Variants in STPG4 observed in about 807,000 individuals in gnomAD.
STPG4 encodes the protein sperm-tail PG-rich repeat containing 4, also known as protein STPG4.
STPG4 carries 41 observed loss-of-function variants against 31.5 expected under a neutral mutation model. That is an observed-to-expected ratio of 1.30 (90% CI 1.01 to 1.69). The LOEUF (loss-of-function observed/expected upper bound fraction) is 1.69. STPG4 is among the 40% of genes most tolerant of loss of function. The probability of loss-of-function intolerance (pLI) is 0.00; values close to 1 mark genes in which losing one functional copy is unlikely to be tolerated. For missense variants in STPG4, 375 were observed against 293.4 expected, an observed-to-expected ratio of 1.28 and a Z score of -2.03; for synonymous variants, 141 against 103.0, an observed-to-expected ratio of 1.37 and a Z score of -2.24.
At chr2:47,089,711 G>A (rs1010999919) in intron 6 of STPG4, among the ~76,000 whole-genome samples, 11 of 151,788 alleles carry the variant, frequency 7.2e-5, no homozygotes, top group African/African-American at 1.4e-4. Context: ...AATCTTTCCT[G>A]GTCTTCTCTA....
At chr2:47,150,972 T>C (rs760884966) in intron 3 of STPG4, among the ~76,000 whole-genome samples, 23 of 152,024 alleles carry the variant, frequency 1.5e-4, no homozygotes, top group Non-Finnish European at 2.8e-4. Flanking sequence ...CAATGACAGA[T>C]AAGATCCCAG....
chr2:47,127,252 C>CTTTTTTTGTTTTTTTTTTTT (rs1686383334), intron 5 of STPG4, among the ~76,000 whole-genome samples: 1 of 57,456 alleles, frequency 1.7e-5, no homozygotes, highest in Non-Finnish European at 2.8e-5. Context: ...CAAGCTAATT[C>CTTTTTTTGTTTTTTTTTTTT]TTTTTTTTTT....
chr2:47,153,249 C>T (rs1020645269), intron 1 of STPG4, among the ~76,000 whole-genome samples: 1 of 152,122 alleles, frequency 6.6e-6, no homozygotes, highest in Non-Finnish European at 1.5e-5. Flanking sequence ...GAGTAATAAA[C>T]ACCCCCATCT....
At chr2:47,102,464 G>A (rs1245728440) in intron 5 of STPG4, among the ~76,000 whole-genome samples, 1 of 151,824 alleles carries the variant, frequency 6.6e-6, no homozygotes, top group African/African-American at 2.4e-5. Flanking sequence ...TCTGAGGGAA[G>A]TACAAATTAC....
At chr2:47,092,137 T>G (rs1364510182) in intron 5 of STPG4, among the ~76,000 whole-genome samples, 1 of 18,596 alleles carries the variant, frequency 5.4e-5, no homozygotes, top group African/African-American at 1.7e-4. Flanking sequence ...TTTTTTTGCT[T>G]ATATGCATTT....
intron 3 of STPG4, among the ~76,000 whole-genome samples, chr2:47,142,957 C>T (rs543662224): frequency 1.3e-5 from 2 of 148,244 alleles, no homozygotes; most frequent in African/African-American, 2.5e-5. Flanking sequence ...CCTGCCTTAG[C>T]CTCCCGAGTA....
At chr2:47,093,582 T>C (rs1685613444) in intron 5 of STPG4, among the ~76,000 whole-genome samples, 1 of 152,206 alleles carries the variant, frequency 6.6e-6, no homozygotes, top group Non-Finnish European at 1.5e-5. Flanking sequence ...CCTGCCCCTT[T>C]TCCCCAGGCC....
intron 5 of STPG4, among the ~76,000 whole-genome samples, chr2:47,113,966 A>C (rs1010529928): frequency 6.6e-6 from 1 of 151,176 alleles, no homozygotes; most frequent in African/African-American, 2.4e-5. Flanking sequence ...CCCAGGAGGC[A>C]GAGCTTGCAG....
At chr2:47,143,099 T>G (rs530090328) in intron 3 of STPG4, among the ~76,000 whole-genome samples, 23 of 152,292 alleles carry the variant, frequency 1.5e-4, no homozygotes, top group African/African-American at 5.3e-4. Context: ...CTGCTGGGAT[T>G]ACAGGCGTAA....
rs546136503 is a variant in STPG4, at chr2:47,126,053, G to A, written c.519+3888C>T. Among the ~76,000 whole-genome samples, 3 of 152,156 alleles carry A rather than the reference G, an allele frequency of 2.0e-5. No homozygotes were observed. In the South Asian group the frequency reaches 6.2e-4, roughly 32 times the overall value. On this transcript the variant is annotated intron_variant, in intron 5 of 6. Coordinates refer to ENST00000445927, the MANE Select transcript of STPG4 (RefSeq NM_001163561.2). ...CTGTAGATATATGGATTTATTTCTGGGTTATCTATTCTGTTCCATTGGTCT... is the reference window on the plus strand; with the variant it reads ...CTGTAGATATATGGATTTATTTCTGAGTTATCTATTCTGTTCCATTGGTCT...
chr2:47,095,800 CTG>C (rs1449827709), intron 5 of STPG4, among the ~76,000 whole-genome samples: 1 of 152,174 alleles, frequency 6.6e-6, no homozygotes, highest in Non-Finnish European at 1.5e-5. Context: ...CTAGGTGTGG[CTG>C]CAGGACTAAT....
intron 3 of STPG4, among the ~76,000 whole-genome samples, chr2:47,134,854 C>T (rs1337847902): frequency 6.6e-6 from 1 of 152,206 alleles, no homozygotes; most frequent in East Asian, 1.9e-4. Context: ...GCTCCACATC[C>T]TTGCCAGCTT....
chr2:47,133,570 C>CTTTTTTTTTTTTTT lies in STPG4; in HGVS notation c.400-3324_400-3311dup, dbSNP rs10682288. On this transcript the variant is annotated intron_variant, in intron 3 of 6. Coordinates refer to ENST00000445927, the MANE Select transcript of STPG4 (RefSeq NM_001163561.2). ...ATCCATGCTGATTAGGCACTCAAATCTTTTTTTTTTTTTTTTTTTTTTTTG... is the reference window on the plus strand; with the variant it reads ...ATCCATGCTGATTAGGCACTCAAATCTTTTTTTTTTTTTTTTTTTTTTTTTTTTTTTTTTTTTTG... 1.0e-3 allele frequency among the ~76,000 whole-genome samples: 68 copies of CTTTTTTTTTTTTTT among 67,152 alleles called. 16 individuals carry two copies. Among genetic ancestry groups the CTTTTTTTTTTTTTT allele is most frequent in the Admixed American group, 1.6e-3 (6 of 3,702 alleles). The allele number at this position is 67,152 out of a possible 152,430, so 44.1% of individuals were successfully genotyped here.
intron 5 of STPG4, among the ~76,000 whole-genome samples, chr2:47,115,048 A>C (rs535978155): frequency 1.3e-5 from 2 of 152,290 alleles, no homozygotes; most frequent in East Asian, 3.9e-4. Context: ...GATTACAAGC[A>C]TAAGCCACCA....
intron 5 of STPG4, among the ~76,000 whole-genome samples, chr2:47,095,092 T>C (rs1685643735): frequency 6.6e-6 from 1 of 152,222 alleles, no homozygotes. Flanking sequence ...TCAAATTCTA[T>C]ACCCCCCAAT....
Position 47,151,310 on chromosome 2 carries a change from G to C in STPG4, c.347C>G (p.Ser116Ter). Residue 116 changes from serine (S) to a stop codon, truncating the protein, a stop_gained, in exon 3 of 7, where the codon TCA becomes TGA. Transcript: ENST00000445927. LOFTEE classifies it high-confidence loss of function. The part of the protein sequence containing the change: ...DLLKKQVATY[S>*]FKDKPRPSPS... ...GCTTGGCCGTGGTTTGTCTTTGAATGAGTAAGTAGCCACTTGCTTCTTTAA... is the reference window on the plus strand; with the variant it reads ...GCTTGGCCGTGGTTTGTCTTTGAATCAGTAAGTAGCCACTTGCTTCTTTAA... 6.2e-7 allele frequency: 1 copy of C among 1,614,198 alleles called. No individual in the cohort carries two copies. The highest frequency in any genetic ancestry group is 8.5e-7 in the Non-Finnish European group (1 of 1,180,044).
chr2:47,090,265 CT>C lies in STPG4; in HGVS notation c.624+4del, dbSNP rs1468954281. ...GGGGGGCGATCTGTCTTTCCGAATA[CT>C]TACTGAACAGCTGGGCAAGAATCGA... On this transcript the variant is annotated splice_donor_region_variant and intron_variant, in intron 6 of 6. Coordinates refer to ENST00000445927, the MANE Select transcript of STPG4 (RefSeq NM_001163561.2). 6.5e-7 allele frequency: 1 copy of C among 1,546,888 alleles called. No individual in the cohort carries two copies. The highest frequency in any genetic ancestry group is 2.4e-5 in the East Asian group (1 of 40,902).
intron 6 of STPG4, among the ~76,000 whole-genome samples, chr2:47,088,878 T>C (rs1255388415): frequency 6.6e-6 from 1 of 152,168 alleles, no homozygotes; most frequent in African/African-American, 2.4e-5. Flanking sequence ...TCAAAGTGCA[T>C]GTGGAGTCCT....
intron 5 of STPG4, among the ~76,000 whole-genome samples, chr2:47,118,479 G>T (rs1686196400): frequency 6.6e-6 from 1 of 152,144 alleles, no homozygotes; most frequent in Admixed American, 6.5e-5. Context: ...AATGATAATA[G>T]AAATAAGGTG....
Sources: allele counts gnomAD v4.1 joint callset (sites outside exome capture counted in the v4.1 genomes callset), GRCh38; gene constraint gnomAD v4.1.1; transcripts MANE v1.5; gene names NCBI Gene and HGNC (gene_info 2026-07-23, HGNC 2026-07-21).